Variants in CCDC85A observed in about 807,000 individuals in gnomAD.
CCDC85A encodes the protein coiled-coil domain containing 85A, also known as coiled-coil domain-containing protein 85A.
Under a neutral mutation model 50.2 loss-of-function variants are expected in CCDC85A, and 38 were observed. The ratio of observed to expected loss-of-function variants is 0.76; its 90% confidence interval spans 0.58 to 0.99. The LOEUF (loss-of-function observed/expected upper bound fraction) is 0.99, where lower values mean the gene tolerates loss of function less well. Ranked by LOEUF, CCDC85A falls within the 50% of genes least tolerant of loss-of-function variation. The pLI is 0.00. For missense variants in CCDC85A, 820 were observed against 742.0 expected (o/e 1.11, Z -1.22); for synonymous variants, 366 against 301.4 (o/e 1.21, Z -2.22).
chr2:56,363,695 T>C (rs572605866), intron 3 of CCDC85A, among the ~76,000 whole-genome samples: 1 of 152,360 alleles, frequency 6.6e-6, no homozygotes, highest in Admixed American at 6.5e-5. Context: ...AGTCACTGTT[T>C]AGTTCCTGGG....
At chr2:56,255,673 G>C (rs1279654249) in intron 2 of CCDC85A, among the ~76,000 whole-genome samples, 1 of 152,158 alleles carries the variant, frequency 6.6e-6, no homozygotes, top group African/African-American at 2.4e-5. Flanking sequence ...TGGGAATGGA[G>C]GAGGTCATTG....
chr2:56,189,847 G>A (rs1324700384), intron 1 of CCDC85A, among the ~76,000 whole-genome samples: 4 of 152,220 alleles, frequency 2.6e-5, no homozygotes, highest in African/African-American at 9.6e-5. Flanking sequence ...TAGTGGGTGA[G>A]GGGAAGGAGT....
At chr2:56,368,081 A>G (rs1308846344) in intron 3 of CCDC85A, among the ~76,000 whole-genome samples, 1 of 152,142 alleles carries the variant, frequency 6.6e-6, no homozygotes, top group Non-Finnish European at 1.5e-5. Context: ...ATTCGTTGGA[A>G]TAGGTATCTA....
At chr2:56,198,877 A>G (rs896886584) in intron 2 of CCDC85A, among the ~76,000 whole-genome samples, 7 of 152,208 alleles carry the variant, frequency 4.6e-5, no homozygotes, top group African/African-American at 1.4e-4. Flanking sequence ...CAAACATTCA[A>G]CTGTTTTCTA....
intron 2 of CCDC85A, among the ~76,000 whole-genome samples, chr2:56,327,335 C>A (rs1436842177): frequency 1.3e-5 from 2 of 152,080 alleles, no homozygotes; most frequent in Non-Finnish European, 2.9e-5. Context: ...GCTAATATGC[C>A]TGGACAGTCA....
intron 2 of CCDC85A, among the ~76,000 whole-genome samples, chr2:56,298,505 C>A (rs1028493750): frequency 1.3e-5 from 2 of 152,110 alleles, no homozygotes; most frequent in Non-Finnish European, 2.9e-5. Context: ...TGTTTCAGGG[C>A]TCAGCTAAAT....
At chr2:56,362,185 T>A (rs571375782) in intron 3 of CCDC85A, among the ~76,000 whole-genome samples, 1 of 152,000 alleles carries the variant, frequency 6.6e-6, no homozygotes, top group African/African-American at 2.4e-5. Flanking sequence ...CTGGGAAGAA[T>A]TGAGGATGAC....
At chr2:56,217,313 G>T (rs1668105649) in intron 2 of CCDC85A, among the ~76,000 whole-genome samples, 1 of 151,892 alleles carries the variant, frequency 6.6e-6, no homozygotes, top group Non-Finnish European at 1.5e-5. Flanking sequence ...CCTAATCTGT[G>T]TTGAGCTTTT....
At chr2:56,306,221 C>A (rs555363014) in intron 2 of CCDC85A, among the ~76,000 whole-genome samples, 8 of 152,148 alleles carry the variant, frequency 5.3e-5, no homozygotes, top group African/African-American at 1.7e-4. Context: ...CCTCCGCCTC[C>A]CGGGTTCAAG....
intron 2 of CCDC85A, among the ~76,000 whole-genome samples, chr2:56,295,420 G>A (rs941232474): frequency 3.9e-5 from 6 of 152,230 alleles, no homozygotes; most frequent in South Asian, 2.1e-4. Context: ...TTTGCCTATG[G>A]CATAAATATA....
chr2:56,247,401 T>C (rs77029156), intron 2 of CCDC85A, among the ~76,000 whole-genome samples: 14,920 of 152,248 alleles, frequency 0.098, 907 homozygotes, highest in Middle Eastern at 0.13. Flanking sequence ...AGATATATTT[T>C]CCTTCTGCAA....
intron 2 of CCDC85A, chr2:56,235,247 A>G (rs995531921): frequency 6.6e-6 from 1 of 152,194 alleles, no homozygotes; most frequent in African/African-American, 2.4e-5. Context: ...GTTTTCTCCC[A>G]TCCAAGTACT....
intron 2 of CCDC85A, among the ~76,000 whole-genome samples, chr2:56,228,735 G>A (rs1269313433): frequency 6.6e-6 from 1 of 151,948 alleles, no homozygotes; most frequent in Admixed American, 6.6e-5. Context: ...CGGTTTCACT[G>A]TGTTAGCCAG....
At chr2:56,267,651 G>A (rs1422097154) in intron 2 of CCDC85A, among the ~76,000 whole-genome samples, 1 of 152,114 alleles carries the variant, frequency 6.6e-6, no homozygotes, top group African/African-American at 2.4e-5. Flanking sequence ...CCCTCATGCA[G>A]CATGAAACTG....
intron 2 of CCDC85A, among the ~76,000 whole-genome samples, chr2:56,218,107 A>G (rs1255591145): frequency 6.6e-6 from 1 of 151,848 alleles, no homozygotes; most frequent in Non-Finnish European, 1.5e-5. Context: ...ATAAGAATAA[A>G]CTACAGCAAC....
chr2:56,357,564 C>T (rs1022160216), intron 3 of CCDC85A, among the ~76,000 whole-genome samples: 1 of 151,230 alleles, frequency 6.6e-6, no homozygotes, highest in East Asian at 1.9e-4. Flanking sequence ...AGGCATGAGT[C>T]CTACTGGGTT....
intron 2 of CCDC85A, among the ~76,000 whole-genome samples, chr2:56,257,360 T>C (rs762157453): frequency 6.6e-6 from 1 of 152,134 alleles, no homozygotes; most frequent in East Asian, 1.9e-4. Context: ...AGGAAAACTT[T>C]CATGAACAAG....
At chr2:56,304,904 A>C (rs1225186372) in intron 2 of CCDC85A, among the ~76,000 whole-genome samples, 6 of 148,166 alleles carry the variant, frequency 4.0e-5, no homozygotes, top group South Asian at 2.1e-4. Flanking sequence ...ACTAAAAAAA[A>C]CAAAAAACAA....
At chr2:56,247,226 T>C (rs1258315659) in intron 2 of CCDC85A, among the ~76,000 whole-genome samples, 1 of 152,192 alleles carries the variant, frequency 6.6e-6, no homozygotes, top group East Asian at 1.9e-4. Flanking sequence ...GCTCTCTTGA[T>C]ATTGGGTTGC....
Sources: gnomAD v4.1 joint callset for allele counts (sites outside exome capture counted in the v4.1 genomes callset) on GRCh38, gnomAD v4.1.1 for gene constraint, MANE v1.5 for transcripts, NCBI Gene and HGNC (gene_info 2026-07-23, HGNC 2026-07-21) for gene names.